Variants in KDM4C observed in about 807,000 individuals in gnomAD.
KDM4C encodes lysine-specific demethylase 4C.
Under a neutral mutation model 129.3 loss-of-function variants are expected in KDM4C, and 81 were observed. The ratio of observed to expected loss-of-function variants is 0.63; its 90% CI spans 0.52 to 0.75. The LOEUF is 0.75. KDM4C is among the 30% of genes least tolerant of loss of function. The pLI is 0.00. For synonymous variants in KDM4C, 573 were observed against 456.1 expected (o/e 1.26, Z -3.26); for missense variants, 1,457 against 1,304.0 (o/e 1.12, Z -1.81).
At chr9:6,981,214 T>G (rs1203097710) in intron 9 of KDM4C, 96 bp downstream of exon 9, 1 of 918,342 alleles carries the variant, frequency 1.1e-6, no homozygotes, top group Non-Finnish European at 1.6e-6. Flanking sequence ...TTTTTCTATT[T>G]ATTCATCATA....
At chr9:7,104,019 C>CA (rs2133157009) in intron 18 of KDM4C, 149 bp downstream of exon 18, 2 of 690,850 alleles carry the variant, frequency 2.9e-6, no homozygotes, top group East Asian at 5.5e-5. Flanking sequence ...GCAGGGATTG[C>CA]GCACTGTTAT....
At chr9:6,882,852 GTAA>G (rs553695822) in intron 6 of KDM4C, among the ~76,000 whole-genome samples, 202 of 152,042 alleles carry the variant, frequency 1.3e-3, no homozygotes, top group African/African-American at 4.6e-3. Context: ...TTAATGGCTA[GTAA>G]TCTTGATTTT....
chr9:7,093,912 A>G (rs1487750643), intron 17 of KDM4C, among the ~76,000 whole-genome samples: 1 of 152,216 alleles, frequency 6.6e-6, no homozygotes, highest in African/African-American at 2.4e-5. Context: ...GACTGTCTTT[A>G]GAATGTGAGG....
At chr9:7,089,577 T>A (rs769132102) in intron 17 of KDM4C, among the ~76,000 whole-genome samples, 2 of 152,220 alleles carry the variant, frequency 1.3e-5, no homozygotes, top group Admixed American at 6.5e-5. Flanking sequence ...CATGACACAA[T>A]ACTCTTGTGA....
chr9:6,854,525 CAAAAAAAAAA>C, intron 5 of KDM4C, among the ~76,000 whole-genome samples: 1 of 41,362 alleles, frequency 2.4e-5, no homozygotes, highest in Non-Finnish European at 4.5e-5. Context: ...AACTCCGTCT[CAAAAAAAAAA>C]AAAAAAAAAA....
intron 1 of KDM4C, among the ~76,000 whole-genome samples, chr9:6,746,886 G>T (rs1437962762): frequency 6.7e-6 from 1 of 150,214 alleles, no homozygotes; most frequent in African/African-American, 2.4e-5. Flanking sequence ...GGCACCTGTA[G>T]TCCCAGCTAC....
intron 3 of KDM4C, among the ~76,000 whole-genome samples, chr9:6,807,996 G>C (rs1830422365): frequency 8.1e-6 from 1 of 122,764 alleles, no homozygotes. Flanking sequence ...AGGTGGGGGG[G>C]GTCAGCCCCC....
At chr9:6,847,517 A>G (rs1280320642) in intron 4 of KDM4C, among the ~76,000 whole-genome samples, 2 of 151,714 alleles carry the variant, frequency 1.3e-5, no homozygotes, top group Non-Finnish European at 2.9e-5. Context: ...CAGCCTCCCG[A>G]GTGGCTGGGA....
chr9:6,797,243 T>C (rs1343536116), intron 2 of KDM4C, among the ~76,000 whole-genome samples: 4 of 152,114 alleles, frequency 2.6e-5, no homozygotes, highest in Non-Finnish European at 5.9e-5. Context: ...CACCTTGGCC[T>C]CCCAAAGTGC....
chr9:7,039,291 GTTAT>G (rs1444901438), intron 15 of KDM4C, among the ~76,000 whole-genome samples: 1 of 151,822 alleles, frequency 6.6e-6, no homozygotes, highest in Non-Finnish European at 1.5e-5. Context: ...TGAGGTTTTG[GTTAT>G]TTATTCAGCT....
intron 8 of KDM4C, among the ~76,000 whole-genome samples, chr9:6,953,340 ATGAAAT>A (rs1458304991): frequency 6.6e-6 from 1 of 152,202 alleles, no homozygotes; most frequent in Non-Finnish European, 1.5e-5. Context: ...TTTTTTGAAG[ATGAAAT>A]TGAGAGATTT....
chr9:6,930,345 T>C (rs1042189677), intron 8 of KDM4C, among the ~76,000 whole-genome samples: 1 of 152,146 alleles, frequency 6.6e-6, no homozygotes, highest in Non-Finnish European at 1.5e-5. Context: ...TTCTCTAGAA[T>C]CTTTTTATAG....
chr9:6,846,770 G>C (rs1008609492), intron 4 of KDM4C, among the ~76,000 whole-genome samples: 1 of 151,986 alleles, frequency 6.6e-6, no homozygotes, highest in Admixed American at 6.6e-5. Context: ...TTTTTTGGGA[G>C]GCTTTCCAGT....
Position 6,984,303 on chromosome 9 carries a change from C to T in KDM4C, c.1253C>T (p.Ala418Val), listed in dbSNP as rs930982786. ...CTCAAGGTCAGTGAAAAGTCAGAAG[C>T]AGCAGTGAAGCTGAGGAACACAGAA... ...DDLKVSEKSE[A>V]AVKLRNTEAS... Residue 418 changes from alanine (A) to valine (V), a missense_variant, in exon 10 of 22, where the codon GCA becomes GTA. Physicochemically the swap from Ala to Val is moderately conservative, Grantham distance 64 (BLOSUM62 0). Coordinates refer to ENST00000381309, the MANE Select transcript of KDM4C (RefSeq NM_015061.6). 4.3e-6 allele frequency: 7 copies of T among 1,613,930 alleles called. No individual in the cohort carries two copies. The highest frequency in any genetic ancestry group is 2.7e-5 in the African/African-American group (2 of 74,940).
intron 8 of KDM4C, among the ~76,000 whole-genome samples, chr9:6,901,352 A>G (rs1451645016): frequency 2.0e-5 from 3 of 152,170 alleles, no homozygotes; most frequent in African/African-American, 7.2e-5. Context: ...ACAGTGGTTT[A>G]TCTCAAAAGG....
intron 8 of KDM4C, among the ~76,000 whole-genome samples, chr9:6,897,291 T>C (rs183914984): frequency 1.3e-5 from 2 of 152,344 alleles, no homozygotes; most frequent in African/African-American, 4.8e-5. Context: ...TTAGTTTTGG[T>C]AGCTGCTTAG....
chr9:6,897,662 G>A (rs1367595876), intron 8 of KDM4C, among the ~76,000 whole-genome samples: 2 of 152,168 alleles, frequency 1.3e-5, no homozygotes, highest in Non-Finnish European at 2.9e-5. Context: ...TGTGCTACAT[G>A]TGTGTACAAA....
intron 4 of KDM4C, among the ~76,000 whole-genome samples, chr9:6,837,452 A>G (rs911426187): frequency 6.6e-6 from 1 of 152,238 alleles, no homozygotes; most frequent in East Asian, 1.9e-4. Context: ...TCGTGCAGCC[A>G]TCACCAGTCT....
intron 4 of KDM4C, among the ~76,000 whole-genome samples, chr9:6,829,051 T>C (rs754870375): frequency 2.4e-4 from 37 of 152,220 alleles, no homozygotes; most frequent in Admixed American, 6.5e-4. Flanking sequence ...GATCGATGAT[T>C]GTGAGACGTG....
Sources: gnomAD v4.1 joint callset for allele counts (sites outside exome capture counted in the v4.1 genomes callset) on GRCh38, gnomAD v4.1.1 for gene constraint, MANE v1.5 for transcripts, NCBI Gene and HGNC (gene_info 2026-07-23, HGNC 2026-07-21) for gene names.